NEURL4: variants seen among roughly 807,000 people sequenced by gnomAD.
NEURL4 encodes the protein neuralized-like protein 4.
In NEURL4, 45 loss-of-function variants were observed where a neutral mutation model predicts 148.0. That is an observed-to-expected ratio of 0.30 (90% confidence interval 0.24 to 0.39). NEURL4 has a LOEUF of 0.39. Ranked by LOEUF, NEURL4 falls within the 10% of genes least tolerant of loss-of-function variation. The pLI is 1.00. For missense variants in NEURL4, 1,776 were observed against 2,144.0 expected (o/e 0.83, Z 3.39); for synonymous variants, 854 against 869.0 (o/e 0.98, Z 0.30).
Position 7,324,247 on chromosome 17 carries a change from T to C in NEURL4, c.1923A>G (p.Val641=). 3 of 1,614,000 alleles carry C rather than the reference T, an allele frequency of 1.9e-6. No homozygotes were observed. The highest frequency in any genetic ancestry group is 2.5e-6 in the Non-Finnish European group (3 of 1,180,002). ...RLKAGDTVGV[V]RREDGTLHFF... The stretch of plus-strand genomic sequence containing the variant: ...AGTGGAGAGTCCCGTCCTCCCGCCG[T>C]ACCACGCCCACCGTGTCCCCTGCCT... The change falls in exon 11 of 29, where the codon GTA becomes GTG. Residue 641 remains valine (V), a synonymous_variant. Transcript: ENST00000399464. This position sits in a 1 kb window ranked among gnomAD's most constrained non-coding sequence, Gnocchi z 5.9.
At position 7,326,784 on chromosome 17, in the gene NEURL4, C is replaced by G; in HGVS notation, c.1019G>C (p.Arg340Pro). The G allele has an allele frequency of 6.2e-7, 1 of 1,613,228 alleles. No individual in the cohort carries two copies. The highest frequency in any genetic ancestry group is 8.5e-7 in the Non-Finnish European group (1 of 1,179,824). The change falls in exon 4 of 29, where the codon CGG becomes CCG. Residue 340 changes from arginine (R) to proline (P), a missense_variant. Transcript: ENST00000399464. This position sits in a 1 kb window ranked among gnomAD's most constrained non-coding sequence, Gnocchi z 6.0. Reference sequence around the variant, plus strand: ...ATTGTTGAATTCATCCAGGGGCCGCCGGCGCTCAGCCGTCTTATTATTGTT... The same window carrying G: ...ATTGTTGAATTCATCCAGGGGCCGCGGGCGCTCAGCCGTCTTATTATTGTT... ...LSNNNKTAER[R>P]RPLDEFNNGV...
chr17:7,328,973 C>T (rs1227878219), intron 1 of NEURL4, 58 bp downstream of exon 1: 2 of 1,460,704 alleles, frequency 1.4e-6, no homozygotes, highest in Admixed American at 2.4e-5. Flanking sequence ...TACCCCGTCT[C>T]CCTCTAGACG....
At chr17:7,316,736 A>G (rs944128857) in intron 28 of NEURL4, among the ~76,000 whole-genome samples, 4 of 152,190 alleles carry the variant, frequency 2.6e-5, no homozygotes, top group African/African-American at 9.7e-5. Flanking sequence ...ATCCTGGCCA[A>G]CATGGCGAAA....
chr17:7,326,196 G>GAC lies in NEURL4; in HGVS notation c.1293+57_1293+58dup. On this transcript the variant is annotated intron_variant, in intron 6 of 28. Transcript: ENST00000399464. The surrounding 1 kb of genome is among the most constrained non-coding windows in gnomAD (Gnocchi z 6.0). ...AGACCCTGCTTGGTGCCCTGGCAGG[G>GAC]ACACAGAGTACCTGTGGCTCTGCTG... 7 of 1,529,078 alleles carry GAC rather than the reference G, an allele frequency of 4.6e-6. No individual in the cohort carries two copies. The highest frequency in any genetic ancestry group is 5.4e-6 in the Non-Finnish European group (6 of 1,111,886). 94.7% of individuals were successfully genotyped at this position (1,529,078 alleles called of 1,614,324 possible).
chr17:7,327,983 T>C lies in NEURL4; in HGVS notation c.283-99A>G. On this transcript the variant is annotated intron_variant, in intron 1 of 28. Transcript: ENST00000399464. The surrounding 1 kb of genome is among the most constrained non-coding windows in gnomAD (Gnocchi z 6.6). ...TCTCAGACAGCTAGCTGGCTTTCTG[T>C]CTCTTGGAACACTAATCCAGAGATG... 1.1e-6 allele frequency: 1 copy of C among 948,798 alleles called. No homozygotes were observed. The highest frequency in any genetic ancestry group is 1.5e-6 in the Non-Finnish European group (1 of 649,526). 58.8% of individuals were successfully genotyped at this position (948,798 alleles called of 1,614,324 possible).
chr17:7,326,878 A>G lies in NEURL4; in HGVS notation c.925T>C (p.Ser309Pro). The G allele has an allele frequency of 1.2e-6, 2 of 1,613,960 alleles. No individual in the cohort carries two copies. The highest frequency in any genetic ancestry group is 2.2e-5 in the South Asian group (2 of 91,072). The change falls in exon 4 of 29, where the codon TCG (serine) becomes CCG (proline). Residue 309 changes from serine to proline, a missense_variant. Ser to Pro is a moderately conservative substitution (Grantham distance 74, BLOSUM62 -1). Transcript: ENST00000399464. This position sits in a 1 kb window ranked among gnomAD's most constrained non-coding sequence, Gnocchi z 6.0. ...GCATCGTTGGAAGTGAGAATGGGCG[A>G]GGTGGCAGCACCGCTAGATCCCAGG... ...EGLGSSGAAT[S>P]PILTSNDALL...
intron 21 of NEURL4, among the ~76,000 whole-genome samples, chr17:7,319,707 AAC>A (rs200914375): frequency 0.18 from 18,952 of 106,078 alleles, 1,744 homozygotes; most frequent in East Asian, 0.42. Flanking sequence ...TCTCAAAAAA[AAC>A]AAAAAAACAA....
At chr17:7,328,325 C>A (rs1380671126) in intron 1 of NEURL4, among the ~76,000 whole-genome samples, 2 of 152,236 alleles carry the variant, frequency 1.3e-5, no homozygotes, top group Non-Finnish European at 2.9e-5. Context: ...GGCCTCTTCA[C>A]TGAATCACAC....
At position 7,315,666 on chromosome 17, in the gene NEURL4, A is replaced by G; in HGVS notation, c.*457T>C. ...GGTGTTTATTGGCTCCTTAGAAATC[A>G]GAGTCAGTAACAACTGTACAGAGGC... is the stretch of plus-strand genomic sequence containing the variant. On this transcript the variant is annotated 3_prime_UTR_variant, in exon 29 of 29. Coordinates refer to ENST00000399464, the MANE Select transcript of NEURL4 (RefSeq NM_032442.3). 1 of 403,262 alleles carries G rather than the reference A, an allele frequency of 2.5e-6. No individual in the cohort carries two copies. Among genetic ancestry groups the G allele is most frequent in the Non-Finnish European group, 4.4e-6 (1 of 228,312 alleles). 25.0% of individuals were successfully genotyped at this position (403,262 alleles called of 1,614,324 possible).
chr17:7,325,327 C>G lies in NEURL4; in HGVS notation c.1513G>C (p.Gly505Arg). ...GCAGGGGCAGCACGGCGGAGAGCACCCTCGGGGGACAGCGCCCGCAGGATG... is the reference window on the plus strand; with the variant it reads ...GCAGGGGCAGCACGGCGGAGAGCACGCTCGGGGGACAGCGCCCGCAGGATG... ...NAILRALSPE[G>R]ALRRAAPAAQ... The change falls in exon 8 of 29, where the codon GGT becomes CGT. Residue 505 changes from glycine to arginine, a missense_variant. By Grantham distance (125) the Gly-to-Arg change is moderately radical. Coordinates refer to ENST00000399464, the MANE Select transcript of NEURL4 (RefSeq NM_032442.3). The G allele has an allele frequency of 1.2e-6, 2 of 1,613,294 alleles. No homozygotes were observed. The highest frequency in any genetic ancestry group is 1.7e-6 in the Non-Finnish European group (2 of 1,179,838).
Position 7,326,471 on chromosome 17 carries a change from C to CA in NEURL4, c.1169dup (p.Leu390PhefsTer40). On this transcript the variant is annotated frameshift_variant, in exon 5 of 29. Transcript: ENST00000399464. LOFTEE classifies it high-confidence loss of function. The surrounding 1 kb of genome is among the most constrained non-coding windows in gnomAD (Gnocchi z 6.0). ...GGTTGGTCATGGTGGCTGGGTACTC[C>CA]AAACTGTTGGGGTTGTGGGTGGTGA... is the stretch of plus-strand genomic sequence containing the variant. 6.2e-7 allele frequency: 1 copy of CA among 1,614,140 alleles called. No individual in the cohort carries two copies. Among genetic ancestry groups the CA allele is most frequent in the Non-Finnish European group, 8.5e-7 (1 of 1,180,008 alleles).
chr17:7,317,498 A>G lies in NEURL4; in HGVS notation c.4281T>C (p.Ala1427=), dbSNP rs1379033437. The change falls in exon 27 of 29, where the codon GCT becomes GCC. Residue 1427 remains alanine, a synonymous_variant. Transcript: ENST00000399464. ...CCCCTCGGTCCAGCACTCTCCGTACAGCGGCAACATTGCTCCCGTGATATG... is the reference window on the plus strand; with the variant it reads ...CCCCTCGGTCCAGCACTCTCCGTACGGCGGCAACATTGCTCCCGTGATATG... The part of the protein sequence containing the change: ...HMAYHGSNVA[A]VRRVLDRGEL... The G allele has an allele frequency of 1.2e-6, 2 of 1,614,152 alleles. No homozygotes were observed. Among genetic ancestry groups the G allele is most frequent in the Non-Finnish European group, 1.7e-6 (2 of 1,180,010 alleles).
intron 14 of NEURL4, 145 bp downstream of exon 14, chr17:7,323,340 G>A (rs1382969620): frequency 1.0e-6 from 1 of 988,904 alleles, no homozygotes; most frequent in Non-Finnish European, 1.5e-6. Context: ...GGCCTGGGCA[G>A]GACTTCCCAG....
Position 7,324,015 on chromosome 17 carries a change from G to GT in NEURL4, c.2063-4dup, listed in dbSNP as rs1567621637. The GT allele has an allele frequency of 6.2e-7, 1 of 1,609,186 alleles. No homozygotes were observed. The highest frequency in any genetic ancestry group is 1.7e-5 in the Admixed American group (1 of 60,022). On this transcript the variant is annotated splice_region_variant and splice_polypyrimidine_tract_variant and intron_variant, in intron 11 of 28. Transcript: ENST00000399464. The surrounding 1 kb of genome is among the most constrained non-coding windows in gnomAD (Gnocchi z 5.9). ...TGGTTCAGGAACTGGAGCCACCTCT[G>GT]TAAAAGTGGACATCACCCATCAGGT...
In NEURL4 at chr17:7,324,380, C is replaced by T. The variant is rs1429031963; in HGVS notation, c.1899+15G>A. On this transcript the variant is annotated intron_variant, in intron 10 of 28. Coordinates refer to ENST00000399464, the MANE Select transcript of NEURL4 (RefSeq NM_032442.3). The surrounding 1 kb of genome is among the most constrained non-coding windows in gnomAD (Gnocchi z 5.9). ...TGCCCGCTGCGGCCGCCAGGCGGCG[C>T]ACCCACTTTCCCACCTTGAGGCGGT... is the stretch of plus-strand genomic sequence containing the variant. 2 of 1,614,052 alleles carry T rather than the reference C, an allele frequency of 1.2e-6. No individual in the cohort carries two copies. Among genetic ancestry groups the T allele is most frequent in the Non-Finnish European group, 8.5e-7 (1 of 1,179,918 alleles).
rs1318822063 is a variant in NEURL4 at position 7,326,695 on chromosome 17, A to G, written c.1092+16T>C. The G allele has an allele frequency of 1.2e-6, 2 of 1,608,684 alleles. No homozygotes were observed. The highest frequency in any genetic ancestry group is 1.7e-4 in the Middle Eastern group (1 of 5,806). ...CCAGGGATAAGGCGCCAACCAGACCACAGGACTTTGCACACCTCAAACATC... is the reference window on the plus strand; with the variant it reads ...CCAGGGATAAGGCGCCAACCAGACCGCAGGACTTTGCACACCTCAAACATC... On this transcript the variant is annotated intron_variant, in intron 4 of 28. Transcript: ENST00000399464. This position sits in a 1 kb window ranked among gnomAD's most constrained non-coding sequence, Gnocchi z 6.0.
intron 28 of NEURL4, among the ~76,000 whole-genome samples, chr17:7,316,705 C>A (rs2072950991): frequency 6.6e-6 from 1 of 152,172 alleles, no homozygotes; most frequent in African/African-American, 2.4e-5. Context: ...GGGCGGATCA[C>A]GAGGTCAGGA....
At position 7,318,050 on chromosome 17, in the gene NEURL4, G is replaced by A. The variant is rs1360758140; in HGVS notation, c.4060+15C>T. The A allele has an allele frequency of 1.9e-6, 3 of 1,613,738 alleles. No individual in the cohort carries two copies. The highest frequency in any genetic ancestry group is 1.3e-5 in the African/African-American group (1 of 75,046). The stretch of plus-strand genomic sequence containing the variant: ...CCTGGGAATGAAGTCAGTTCTGGCG[G>A]ACTGTGGGACTCACCGGGAAGCAGC... On this transcript the variant is annotated intron_variant, in intron 25 of 28. Coordinates refer to ENST00000399464, the MANE Select transcript of NEURL4 (RefSeq NM_032442.3). This position sits in a 1 kb window ranked among gnomAD's most constrained non-coding sequence, Gnocchi z 4.3.
chr17:7,319,082 G>A lies in NEURL4; in HGVS notation c.3652C>T (p.Arg1218Trp), dbSNP rs960601652. The A allele has an allele frequency of 8.7e-6, 14 of 1,613,610 alleles. No individual in the cohort carries two copies. Among genetic ancestry groups the A allele is most frequent in the East Asian group, 4.5e-5 (2 of 44,880 alleles). Reference sequence around the variant, plus strand: ...CCGTTGTGGAAGACCCCACGGCCCCGCAGCAGCCAGGCTGCCCGTTTGAGG... The same window carrying A: ...CCGTTGTGGAAGACCCCACGGCCCCACAGCAGCCAGGCTGCCCGTTTGAGG... ...CALKRAAWLL[R>W]GRGVFHNGLK... The change falls in exon 22 of 29, where the codon CGG (arginine) becomes TGG (tryptophan). Residue 1218 changes from arginine to tryptophan, a missense_variant. Physicochemically the swap from Arg to Trp is moderately radical, Grantham distance 101. Coordinates refer to ENST00000399464, the MANE Select transcript of NEURL4 (RefSeq NM_032442.3).
Sources: allele counts gnomAD v4.1 joint callset (sites outside exome capture counted in the v4.1 genomes callset), GRCh38; gene constraint gnomAD v4.1.1; non-coding constraint Gnocchi (gnomAD v3.1); transcripts MANE v1.5; gene names NCBI Gene and HGNC (gene_info 2026-07-23, HGNC 2026-07-21).